Variants in DYNC2H1 observed in about 807,000 individuals in gnomAD.
DYNC2H1 encodes the protein dynein cytoplasmic 2 heavy chain 1.
In DYNC2H1, 410 loss-of-function variants were observed where a neutral mutation model predicts 570.0. That is an observed-to-expected ratio of 0.72 (90% CI 0.66 to 0.78). DYNC2H1 has a LOEUF of 0.78. DYNC2H1 is among the 30% of genes least tolerant of loss of function. DYNC2H1 has a pLI of 0.00. For missense variants in DYNC2H1, 4,865 were observed against 5,046.4 expected, an observed-to-expected ratio of 0.96 and a Z score of 1.09; for synonymous variants, 1,688 against 1,677.6, an observed-to-expected ratio of 1.01 and a Z score of -0.15.
chr11:103,475,432 T>TTAA (rs1945520460), intron 88 of DYNC2H1, among the ~76,000 whole-genome samples: 1 of 152,184 alleles, frequency 6.6e-6, no homozygotes, highest in African/African-American at 2.4e-5. Flanking sequence ...TCATAATAAT[T>TTAA]TAATTCAGTT....
At chr11:103,404,623 CCTAT>C (rs1192145852) in intron 84 of DYNC2H1, 1 of 149,580 alleles carries the variant, frequency 6.7e-6, no homozygotes, top group Non-Finnish European at 1.5e-5. Flanking sequence ...TGGATTTTAG[CCTAT>C]CTGATTAATT....
In DYNC2H1 at chr11:103,151,430, A is replaced by G. The variant is rs1860531592; in HGVS notation, c.2947-706A>G. Among the ~76,000 whole-genome samples the G allele has an allele frequency of 6.6e-6, 1 of 152,194 alleles. No homozygotes were observed. Among genetic ancestry groups the G allele is most frequent in the Admixed American group, 6.5e-5 (1 of 15,282 alleles). On this transcript the variant is annotated intron_variant, in intron 20 of 88. Coordinates refer to ENST00000375735, the MANE Select transcript of DYNC2H1 (RefSeq NM_001377.3). This position sits in a 1 kb window ranked among gnomAD's most constrained non-coding sequence, Gnocchi z 4.6. ...TCCTTTGTTGTCTGTTTTATTATAT[A>G]TGCATACTGATATTTAAAAATGTTT...
intron 85 of DYNC2H1, among the ~76,000 whole-genome samples, chr11:103,440,603 A>G (rs1387977423): frequency 6.6e-6 from 1 of 152,210 alleles, no homozygotes; most frequent in African/African-American, 2.4e-5. Flanking sequence ...ACCACTTAGC[A>G]TGACATATAG....
In DYNC2H1 at chr11:103,424,169, T is replaced by C. The variant is rs568358455; in HGVS notation, c.12367-11774T>C. On this transcript the variant is annotated intron_variant, in intron 84 of 88. Transcript: ENST00000375735. Reference sequence around the variant, plus strand: ...GATAAAAATATTCTGGAATTAGTGGTTATGCTTGTACAACCTTGTGAATAT... The same window carrying C: ...GATAAAAATATTCTGGAATTAGTGGCTATGCTTGTACAACCTTGTGAATAT... Among the ~76,000 whole-genome samples the C allele has an allele frequency of 3.7e-4, 56 of 152,252 alleles. No individual in the cohort carries two copies. In the South Asian group the frequency reaches 0.012, roughly 32 times the overall value.
At chr11:103,140,928 C>T (rs1308446197) in intron 17 of DYNC2H1, among the ~76,000 whole-genome samples, 1 of 152,098 alleles carries the variant, frequency 6.6e-6, no homozygotes, top group Non-Finnish European at 1.5e-5. Context: ...TTTCTCTAAA[C>T]TTCCCTTCTC....
intron 87 of DYNC2H1, 63 bp downstream of exon 87, chr11:103,456,419 G>A: frequency 7.3e-7 from 1 of 1,367,350 alleles, no homozygotes; most frequent in Non-Finnish European, 1.0e-6. Flanking sequence ...AAGAGATTCT[G>A]AAATTTTGAT....
chr11:103,416,756 C>T (rs932607276), intron 84 of DYNC2H1, among the ~76,000 whole-genome samples: 3 of 151,530 alleles, frequency 2.0e-5, no homozygotes, highest in Admixed American at 2.0e-4. Context: ...ACACCAAAAG[C>T]AAGGCAACAA....
chr11:103,173,266 T>C lies in DYNC2H1; in HGVS notation c.5519T>C (p.Val1840Ala). 6.3e-7 allele frequency: 1 copy of C among 1,588,446 alleles called. No individual in the cohort carries two copies. Among genetic ancestry groups the C allele is most frequent in the Non-Finnish European group, 8.6e-7 (1 of 1,168,848 alleles). ...LYSEGFKDAK[V>A]LSRKLVAIFN... ...TCGGAAGGCTTTAAAGACGCTAAAG[T>C]ATTGAGCAGAAAATTGGTAGCTATT... The change falls in exon 35 of 89, where the codon GTA becomes GCA. Residue 1840 changes from valine to alanine, a missense_variant. By Grantham distance (64) the Val-to-Ala change is moderately conservative (BLOSUM62 0). Transcript: ENST00000375735.
intron 82 of DYNC2H1, among the ~76,000 whole-genome samples, chr11:103,332,926 C>T (rs1399485893): frequency 6.6e-6 from 1 of 151,908 alleles, no homozygotes; most frequent in African/African-American, 2.4e-5. Flanking sequence ...TCGCTTGAAC[C>T]TGGTAGGCAG....
At chr11:103,161,811 G>T (rs1169275194) in intron 29 of DYNC2H1, among the ~76,000 whole-genome samples, 1 of 152,078 alleles carries the variant, frequency 6.6e-6, no homozygotes, top group Non-Finnish European at 1.5e-5. Flanking sequence ...CTGATCAAAG[G>T]CCTATTATAG....
intron 83 of DYNC2H1, among the ~76,000 whole-genome samples, chr11:103,364,723 G>C (rs1007615643): frequency 6.6e-6 from 1 of 151,652 alleles, no homozygotes; most frequent in Non-Finnish European, 1.5e-5. Flanking sequence ...TGCTATTCTG[G>C]TCTGCCTCAC....
In DYNC2H1 at chr11:103,321,059, A is replaced by C. The variant is rs1938159725; in HGVS notation, c.11756A>C (p.His3919Pro). 1 of 1,612,258 alleles carries C rather than the reference A, an allele frequency of 6.2e-7. No homozygotes were observed. The highest frequency in any genetic ancestry group is 1.7e-5 in the Admixed American group (1 of 59,860). ...GAKDVQWEFV[H>P]GLLENAIYGG... is the part of the protein sequence containing the mutation. Reference sequence around the variant, plus strand: ...AAAGATGTACAATGGGAATTTGTACATGGTTTACTTGAAAATGCTATTTAT... The same window carrying C: ...AAAGATGTACAATGGGAATTTGTACCTGGTTTACTTGAAAATGCTATTTAT... Residue 3919 changes from histidine (H) to proline (P), a missense_variant, in exon 81 of 89, where the codon CAT becomes CCT. This residue lies in a region of DYNC2H1 where 2,401 missense variants were observed against 2,454.6 expected (regional missense o/e 0.98). Coordinates refer to ENST00000375735, the MANE Select transcript of DYNC2H1 (RefSeq NM_001377.3).
chr11:103,168,524 CT>C (rs1259220636), intron 31 of DYNC2H1, among the ~76,000 whole-genome samples: 2 of 152,132 alleles, frequency 1.3e-5, no homozygotes, highest in Non-Finnish European at 2.9e-5. Context: ...AACTGAAACT[CT>C]TTTCTCTTGG....
At chr11:103,200,528 A>G (rs1320005483) in intron 50 of DYNC2H1, among the ~76,000 whole-genome samples, 1 of 152,204 alleles carries the variant, frequency 6.6e-6, no homozygotes, top group African/African-American at 2.4e-5. Context: ...AACCCACAGA[A>G]ATAAAAGAAG....
intron 75 of DYNC2H1, among the ~76,000 whole-genome samples, chr11:103,301,242 CTTTCTACCAGTTTT>C (rs1456169819): frequency 6.6e-6 from 1 of 151,868 alleles, no homozygotes; most frequent in African/African-American, 2.4e-5. Context: ...AACTCAGTTT[CTTTCTACCAGTTTT>C]TAGCTAATAT....
chr11:103,271,655 T>G (rs1178176604), intron 70 of DYNC2H1, among the ~76,000 whole-genome samples: 2 of 152,234 alleles, frequency 1.3e-5, no homozygotes, highest in African/African-American at 4.8e-5. Context: ...TATCAGGTAG[T>G]TATTTTACTG....
intron 17 of DYNC2H1, 46 bp from the exon 18 acceptor site, chr11:103,143,222 A>G (rs746327617): frequency 6.3e-7 from 1 of 1,586,750 alleles, no homozygotes; most frequent in Non-Finnish European, 8.6e-7. Flanking sequence ...ATGTTAACAT[A>G]TTGGTTCTGT....
At chr11:103,312,797 G>A (rs555902642) in intron 79 of DYNC2H1, among the ~76,000 whole-genome samples, 2 of 152,036 alleles carry the variant, frequency 1.3e-5, no homozygotes, top group East Asian at 3.9e-4. Flanking sequence ...TTGCCTAGAC[G>A]TCTCAAACTT....
intron 17 of DYNC2H1, among the ~76,000 whole-genome samples, chr11:103,136,350 T>G (rs1471552692): frequency 1.3e-5 from 2 of 151,934 alleles, no homozygotes; most frequent in African/African-American, 2.4e-5. Context: ...CCATTAGGTA[T>G]ATCTCCTAAT....
Sources: allele counts gnomAD v4.1 joint callset (sites outside exome capture counted in the v4.1 genomes callset), GRCh38; gene constraint gnomAD v4.1.1; regional missense constraint gnomAD v4.1.1; non-coding constraint Gnocchi (gnomAD v3.1); transcripts MANE v1.5; gene names NCBI Gene and HGNC (gene_info 2026-07-23, HGNC 2026-07-21).